PCDHGA7: variants seen among roughly 807,000 people sequenced by gnomAD.
PCDHGA7 encodes protocadherin gamma subfamily A, 7.
In PCDHGA7, 44 loss-of-function variants were observed where a neutral mutation model predicts 58.3. That is an observed-to-expected ratio of 0.75 (90% CI 0.59 to 0.97). The LOEUF is 0.97. Among genes scored for constraint, PCDHGA7 ranks in the 50% least tolerant of loss-of-function variants. PCDHGA7 has a pLI of 0.00. For missense variants in PCDHGA7, 1,266 were observed against 1,188.7 expected (o/e 1.06, Z -0.96); for synonymous variants, 516 against 504.2 (o/e 1.02, Z -0.31).
intron 1 of PCDHGA7, among the ~76,000 whole-genome samples, chr5:141,482,207 G>T (rs983812650): frequency 6.6e-6 from 1 of 152,130 alleles, no homozygotes; most frequent in East Asian, 1.9e-4. Flanking sequence ...AAACAGACCA[G>T]GTACTTGTTT....
chr5:141,476,230 G>A lies in PCDHGA7; in HGVS notation c.2425-18577G>A, dbSNP rs906283645. On this transcript the variant is annotated intron_variant, in intron 1 of 3. Coordinates refer to ENST00000518325, the MANE Select transcript of PCDHGA7 (RefSeq NM_018920.4). This position sits in a 1 kb window ranked among gnomAD's most constrained non-coding sequence, Gnocchi z 7.6. Reference sequence around the variant, plus strand: ...CCACGGTCATTCACTATGAGATCCCGGAGGAAAGAGAGAAGGGTTTCGCTG... The same window carrying A: ...CCACGGTCATTCACTATGAGATCCCAGAGGAAAGAGAGAAGGGTTTCGCTG... The A allele has an allele frequency of 1.2e-6, 2 of 1,614,040 alleles. No homozygotes were observed. Among genetic ancestry groups the A allele is most frequent in the Non-Finnish European group, 1.7e-6 (2 of 1,180,024 alleles).
At position 141,403,424 on chromosome 5, in the gene PCDHGA7, A is replaced by G. The variant is rs771429615; in HGVS notation, c.2424+18101A>G. ...AGCACGTTATCCACTTCCAGAAGCT[A>G]TTGATCCGGATGTTGGCGTGAACTC... is the stretch of plus-strand genomic sequence containing the variant. On this transcript the variant is annotated intron_variant, in intron 1 of 3. Transcript: ENST00000518325. The G allele has an allele frequency of 3.1e-6, 5 of 1,613,932 alleles. No homozygotes were observed. In the African/African-American group the frequency reaches 4.0e-5, roughly 13 times the overall value.
intron 1 of PCDHGA7, chr5:141,479,722 T>C (rs2099504690): frequency 6.6e-6 from 1 of 152,240 alleles, no homozygotes; most frequent in African/African-American, 2.4e-5. Context: ...CCAGCCTTAT[T>C]TTTCTTAAGT....
Position 141,485,567 on chromosome 5 carries a change from C to G in PCDHGA7, c.2425-9240C>G. The stretch of plus-strand genomic sequence containing the variant: ...CGTAGATGTGAATGATCACGCCCCC[C>G]GTTTTCCGCGGCAGCAGCTGGACTT... On this transcript the variant is annotated intron_variant, in intron 1 of 3. Transcript: ENST00000518325. This position sits in a 1 kb window ranked among gnomAD's most constrained non-coding sequence, Gnocchi z 5.7. 1 of 1,612,882 alleles carries G rather than the reference C, an allele frequency of 6.2e-7. No individual in the cohort carries two copies. The highest frequency in any genetic ancestry group is 8.5e-7 in the Non-Finnish European group (1 of 1,178,978).
intron 1 of PCDHGA7, chr5:141,408,379 G>C: frequency 6.2e-7 from 1 of 1,614,032 alleles, no homozygotes; most frequent in South Asian, 1.1e-5. Context: ...TCAGTGTCCT[G>C]GATGTGTCGG....
chr5:141,445,048 A>G (rs1364884310), intron 1 of PCDHGA7, among the ~76,000 whole-genome samples: 4 of 152,234 alleles, frequency 2.6e-5, no homozygotes, highest in Non-Finnish European at 5.9e-5. Flanking sequence ...TTTTCAGTGT[A>G]GAGAGGTCAT....
intron 1 of PCDHGA7, among the ~76,000 whole-genome samples, chr5:141,434,881 A>C (rs1221252749): frequency 6.6e-6 from 1 of 151,958 alleles, no homozygotes; most frequent in Non-Finnish European, 1.5e-5. Context: ...AGATACCAAC[A>C]ACAATCCAGT....
chr5:141,489,283 G>A lies in PCDHGA7; in HGVS notation c.2425-5524G>A. The A allele has an allele frequency of 6.4e-7, 1 of 1,569,594 alleles. No homozygotes were observed. Among genetic ancestry groups the A allele is most frequent in the Admixed American group, 1.8e-5 (1 of 55,646 alleles). ...CCCACAGCTCGCTGGGAAATGGCAA[G>A]TGCTGTGCATGTTGTCCTTGTGCTG... On this transcript the variant is annotated intron_variant, in intron 1 of 3. Coordinates refer to ENST00000518325, the MANE Select transcript of PCDHGA7 (RefSeq NM_018920.4). This position sits in a 1 kb window ranked among gnomAD's most constrained non-coding sequence, Gnocchi z 4.5.
chr5:141,401,096 C>A (rs1193628525), intron 1 of PCDHGA7, among the ~76,000 whole-genome samples: 1 of 152,160 alleles, frequency 6.6e-6, no homozygotes, highest in Non-Finnish European at 1.5e-5. Context: ...GTAATCCCAG[C>A]ACTTTGGGAG....
In PCDHGA7 at chr5:141,432,006, C is replaced by T. The variant is rs138689793; in HGVS notation, c.2424+46683C>T. Reference sequence around the variant, plus strand: ...ATAGTCTTGGATAGGGAACAGGTTCCTAGCTACAACATCACAGTGACCGCC... The same window carrying T: ...ATAGTCTTGGATAGGGAACAGGTTCTTAGCTACAACATCACAGTGACCGCC... On this transcript the variant is annotated intron_variant, in intron 1 of 3. Transcript: ENST00000518325. This position sits in a 1 kb window ranked among gnomAD's most constrained non-coding sequence, Gnocchi z 6.0. The T allele has an allele frequency of 2.6e-4, 412 of 1,614,186 alleles. 2 individuals carry two copies. The African/African-American group carries it at 4.6e-3, about 18-fold the overall frequency.
chr5:141,423,011 T>C, intron 1 of PCDHGA7: 4 of 1,614,186 alleles, frequency 2.5e-6, no homozygotes, highest in Non-Finnish European at 3.4e-6. Flanking sequence ...GTGGTTGCGG[T>C]GGACAAAGAT....
rs1368497890 is a variant in PCDHGA7 at position 141,383,916 on chromosome 5, T to C, written c.1017T>C (p.Asp339=). 1 of 1,613,968 alleles carries C rather than the reference T, an allele frequency of 6.2e-7. No homozygotes were observed. Among genetic ancestry groups the C allele is most frequent in the Non-Finnish European group, 8.5e-7 (1 of 1,179,890 alleles). The part of the protein sequence containing the change: ...TKAKVLITVL[D]VNDNAPEVTM... ...CAAAAGTACTGATCACAGTTTTAGA[T>C]GTAAATGATAATGCTCCAGAAGTGA... The change falls in exon 1 of 4, where the codon GAT becomes GAC. Residue 339 remains aspartate, a synonymous_variant. Coordinates refer to ENST00000518325, the MANE Select transcript of PCDHGA7 (RefSeq NM_018920.4).
In PCDHGA7 at chr5:141,382,959, G is replaced by T; in HGVS notation, c.60G>T (p.Leu20=). 1 of 1,607,442 alleles carries T rather than the reference G, an allele frequency of 6.2e-7. No homozygotes were observed. Among genetic ancestry groups the T allele is most frequent in the Non-Finnish European group, 8.5e-7 (1 of 1,175,606 alleles). Reference sequence around the variant, plus strand: ...GATTCTTCCTGCTCTCCATCCTCCTGGGGACCCCCTGGGAAGCCTGGGCAG... The same window carrying T: ...GATTCTTCCTGCTCTCCATCCTCCTTGGGACCCCCTGGGAAGCCTGGGCAG... ...YRGFFLLSIL[L]GTPWEAWAGR... is the part of the protein sequence containing the mutation. Residue 20 remains leucine, a synonymous_variant, in exon 1 of 4, where the codon CTG becomes CTT. Coordinates refer to ENST00000518325, the MANE Select transcript of PCDHGA7 (RefSeq NM_018920.4).
chr5:141,420,080 C>G, intron 1 of PCDHGA7: 2 of 1,614,010 alleles, frequency 1.2e-6, no homozygotes, highest in African/African-American at 1.3e-5. Flanking sequence ...TGTGGGTCCC[C>G]CCAACTACAG....
At chr5:141,449,198 A>C (rs2098631518) in intron 1 of PCDHGA7, among the ~76,000 whole-genome samples, 1 of 152,188 alleles carries the variant, frequency 6.6e-6, no homozygotes, top group Non-Finnish European at 1.5e-5. Context: ...AAGAAGTGTT[A>C]ATTCTAACTT....
In PCDHGA7 at chr5:141,490,673, C is replaced by T; in HGVS notation, c.2425-4134C>T. ...GGCTCCCTTCTTTGCACTGTGGCTG[C>T]CTCAGATCCAGACACTGGGGATAAT... On this transcript the variant is annotated intron_variant, in intron 1 of 3. Coordinates refer to ENST00000518325, the MANE Select transcript of PCDHGA7 (RefSeq NM_018920.4). This position sits in a 1 kb window ranked among gnomAD's most constrained non-coding sequence, Gnocchi z 5.4. 1.2e-6 allele frequency: 2 copies of T among 1,614,126 alleles called. No homozygotes were observed. The highest frequency in any genetic ancestry group is 1.7e-6 in the Non-Finnish European group (2 of 1,179,952).
intron 1 of PCDHGA7, chr5:141,419,942 G>A: frequency 6.2e-7 from 1 of 1,614,070 alleles, no homozygotes. Context: ...CCTGGTGGTG[G>A]CCTTGGCCTT....
chr5:141,397,407 G>C (rs1383716790), intron 1 of PCDHGA7, among the ~76,000 whole-genome samples: 1 of 152,108 alleles, frequency 6.6e-6, no homozygotes. Context: ...TTACAAAATA[G>C]TTTTAAATAG....
intron 1 of PCDHGA7, among the ~76,000 whole-genome samples, chr5:141,452,094 G>A (rs760924457): frequency 6.6e-6 from 1 of 152,162 alleles, no homozygotes; most frequent in South Asian, 2.1e-4. Context: ...CAGTAAGAAA[G>A]AGCTTTCTTT....
Sources: gnomAD v4.1 joint callset for allele counts (sites outside exome capture counted in the v4.1 genomes callset) on GRCh38, gnomAD v4.1.1 for gene constraint, Gnocchi (gnomAD v3.1) non-coding constraint, MANE v1.5 for transcripts, NCBI Gene and HGNC (gene_info 2026-07-23, HGNC 2026-07-21) for gene names.